Variants in ATP8A2 observed in about 807,000 individuals in gnomAD.
The protein encoded by ATP8A2 is phospholipid-transporting ATPase IB.
Under a neutral mutation model 165.6 loss-of-function variants are expected in ATP8A2, and 100 were observed. The ratio of observed to expected loss-of-function variants is 0.60; its 90% confidence interval spans 0.51 to 0.71. ATP8A2 has a LOEUF of 0.71. ATP8A2 is among the 30% of genes least tolerant of loss of function. The pLI is 0.00. For synonymous variants in ATP8A2, 543 were observed against 548.8 expected, an observed-to-expected ratio of 0.99 and a Z score of 0.15; for missense variants, 1,227 against 1,479.5, an observed-to-expected ratio of 0.83 and a Z score of 2.80.
At chr13:25,429,815 C>T (rs576338158) in intron 1 of ATP8A2, among the ~76,000 whole-genome samples, 2 of 152,282 alleles carry the variant, frequency 1.3e-5, no homozygotes, top group East Asian at 3.9e-4. Context: ...GCAGGGAGCG[C>T]TCTCCAGGGC....
chr13:25,386,944 C>G (rs2033072434), intron 1 of ATP8A2, among the ~76,000 whole-genome samples: 2 of 141,986 alleles, frequency 1.4e-5, no homozygotes, highest in Middle Eastern at 3.6e-3. Flanking sequence ...TTGCAGTGAG[C>G]CGAGATCGCG....
chr13:25,987,545 T>A (rs1026007596), intron 35 of ATP8A2, among the ~76,000 whole-genome samples: 1 of 152,230 alleles, frequency 6.6e-6, no homozygotes, highest in Non-Finnish European at 1.5e-5. Flanking sequence ...AGAAAGACAC[T>A]GGCAAAGTCA....
chr13:25,426,670 C>T lies in ATP8A2; in HGVS notation c.77-42307C>T, dbSNP rs142886329. On this transcript the variant is annotated intron_variant, in intron 1 of 36. Transcript: ENST00000381655. Reference sequence around the variant, plus strand: ...GTTAATAATGTATCAGGGCCGGGCACGGTGGCTCATGCCTGTAATCCCAGT... The same window carrying T: ...GTTAATAATGTATCAGGGCCGGGCATGGTGGCTCATGCCTGTAATCCCAGT... Among the ~76,000 whole-genome samples the T allele has an allele frequency of 5.6e-4, 85 of 152,148 alleles. 1 individual carries two copies. In the East Asian group the frequency reaches 0.012, roughly 22 times the overall value.
chr13:25,827,588 T>A (rs1951353514), intron 27 of ATP8A2, among the ~76,000 whole-genome samples: 1 of 152,232 alleles, frequency 6.6e-6, no homozygotes, highest in Non-Finnish European at 1.5e-5. Context: ...CAAAAAATGA[T>A]TTGAACATGT....
At chr13:25,469,449 T>C (rs140254861) in intron 2 of ATP8A2, among the ~76,000 whole-genome samples, 1 of 152,360 alleles carries the variant, frequency 6.6e-6, no homozygotes, top group African/African-American at 2.4e-5. Flanking sequence ...TCGGAACCCC[T>C]TCTAGCCTTG....
chr13:25,401,228 A>T (rs189639924), intron 1 of ATP8A2, among the ~76,000 whole-genome samples: 1 of 152,218 alleles, frequency 6.6e-6, no homozygotes, highest in African/African-American at 2.4e-5. Context: ...TGAGGATAAA[A>T]GTGAAAGAGG....
intron 10 of ATP8A2, among the ~76,000 whole-genome samples, chr13:25,549,120 A>G (rs1174100425): frequency 2.6e-5 from 4 of 152,174 alleles, no homozygotes; most frequent in Non-Finnish European, 4.4e-5. Context: ...AGTGCCTTAC[A>G]AACTCTCAGA....
intron 25 of ATP8A2, among the ~76,000 whole-genome samples, chr13:25,702,551 T>TG (rs1369003279): frequency 6.6e-6 from 1 of 152,218 alleles, no homozygotes; most frequent in East Asian, 1.9e-4. Flanking sequence ...ATTGTGGGCT[T>TG]GCAAGTATTG....
At chr13:25,785,076 T>A (rs546568414) in intron 27 of ATP8A2, among the ~76,000 whole-genome samples, 1 of 152,058 alleles carries the variant, frequency 6.6e-6, no homozygotes, top group Non-Finnish European at 1.5e-5. Context: ...TCTATTATAT[T>A]GTGTTTAACC....
chr13:25,485,496 C>T (rs140894489), intron 2 of ATP8A2, among the ~76,000 whole-genome samples: 61 of 152,324 alleles, frequency 4.0e-4, no homozygotes, highest in East Asian at 3.3e-3. Context: ...TATCTTTTAA[C>T]GCTTATAATT....
intron 24 of ATP8A2, among the ~76,000 whole-genome samples, chr13:25,628,432 C>T (rs2041156739): frequency 6.6e-6 from 1 of 152,188 alleles, no homozygotes; most frequent in Admixed American, 6.5e-5. Flanking sequence ...CCTGTAAATG[C>T]ACTTACGTTT....
intron 1 of ATP8A2, among the ~76,000 whole-genome samples, chr13:25,398,912 G>GA (rs5802333): frequency 0.82 from 124,286 of 151,426 alleles, 51,337 homozygotes; most frequent in East Asian, 0.95. Flanking sequence ...TAATGCATAT[G>GA]AAAAAAAAAT....
At chr13:25,864,367 C>T (rs1019128365) in intron 33 of ATP8A2, among the ~76,000 whole-genome samples, 2 of 152,128 alleles carry the variant, frequency 1.3e-5, no homozygotes, top group Non-Finnish European at 2.9e-5. Context: ...TCCAAATGTG[C>T]GTGAATTAGG....
At chr13:25,481,390 C>T in intron 2 of ATP8A2, among the ~76,000 whole-genome samples, 1 of 152,202 alleles carries the variant, frequency 6.6e-6, no homozygotes, top group Non-Finnish European at 1.5e-5. Flanking sequence ...GTTCTAGGAG[C>T]CCTCCTGAGA....
At chr13:25,417,206 T>G (rs1165586910) in intron 1 of ATP8A2, among the ~76,000 whole-genome samples, 2 of 152,234 alleles carry the variant, frequency 1.3e-5, no homozygotes, top group Admixed American at 1.3e-4. Flanking sequence ...AGGTGTGGTT[T>G]AGTTTCCCCC....
At chr13:25,742,681 C>CTT (rs11395602) in intron 25 of ATP8A2, among the ~76,000 whole-genome samples, 2,260 of 130,644 alleles carry the variant, frequency 0.017, 45 homozygotes, top group African/African-American at 0.039. Flanking sequence ...CTCTCTCTGT[C>CTT]TTTTTTTTTT....
At chr13:25,553,984 A>G in intron 12 of ATP8A2, 64 bp downstream of exon 12, 4 of 1,525,796 alleles carry the variant, frequency 2.6e-6, no homozygotes, top group Non-Finnish European at 3.6e-6. Context: ...TTGGCATTTA[A>G]TTGAGCACTC....
chr13:26,016,503 G>A (rs1041778806), intron 36 of ATP8A2, among the ~76,000 whole-genome samples: 5 of 152,166 alleles, frequency 3.3e-5, no homozygotes, highest in Non-Finnish European at 7.3e-5. Context: ...TGGGTTTCCA[G>A]TAGACACAGG....
intron 24 of ATP8A2, among the ~76,000 whole-genome samples, chr13:25,676,303 C>G (rs1179999905): frequency 6.6e-6 from 1 of 152,156 alleles, no homozygotes; most frequent in Middle Eastern, 3.2e-3. Flanking sequence ...TTTCCCTCAT[C>G]TAGCTTAGAT....
Sources: allele counts gnomAD v4.1 joint callset (sites outside exome capture counted in the v4.1 genomes callset), GRCh38; gene constraint gnomAD v4.1.1; transcripts MANE v1.5; gene names NCBI Gene and HGNC (gene_info 2026-07-23, HGNC 2026-07-21).